KLHL2: variants seen among roughly 807,000 people sequenced by gnomAD.
The protein encoded by KLHL2 is kelch like family member 2.
In KLHL2, 15 loss-of-function variants were observed where a neutral mutation model predicts 75.8. The ratio of observed to expected loss-of-function variants is 0.20; its 90% CI spans 0.13 to 0.30. KLHL2 has a LOEUF of 0.30. Among genes scored for constraint, KLHL2 ranks in the 10% least tolerant of loss-of-function variants. KLHL2 has a pLI of 1.00. For synonymous variants in KLHL2, 214 were observed against 251.9 expected (o/e 0.85, Z 1.42); for missense variants, 381 against 741.0 (o/e 0.51, Z 5.64).
intron 5 of KLHL2, among the ~76,000 whole-genome samples, chr4:165,283,406 G>A (rs1743842891): frequency 6.6e-6 from 1 of 152,232 alleles, no homozygotes; most frequent in Non-Finnish European, 1.5e-5. Flanking sequence ...CAAGCATTGG[G>A]TAAATACAGC....
chr4:165,246,431 G>A (rs1037839476), intron 4 of KLHL2, among the ~76,000 whole-genome samples: 7 of 151,980 alleles, frequency 4.6e-5, no homozygotes, highest in South Asian at 2.1e-4. Flanking sequence ...GCTAGCTGGA[G>A]GATGGACTGT....
chr4:165,321,969 T>C (rs1470457561), intron 14 of KLHL2, 63 bp from the exon 15 acceptor site: 5 of 1,452,376 alleles, frequency 3.4e-6, no homozygotes, highest in South Asian at 2.3e-5. Context: ...GAATTGAGTG[T>C]TTTCTCAGAG....
intron 4 of KLHL2, among the ~76,000 whole-genome samples, chr4:165,239,439 T>G (rs1344415306): frequency 1.3e-5 from 2 of 152,062 alleles, no homozygotes; most frequent in African/African-American, 4.8e-5. Flanking sequence ...GCTAATTTTC[T>G]TATTTTTTTG....
intron 4 of KLHL2, among the ~76,000 whole-genome samples, chr4:165,262,704 G>C (rs1461232073): frequency 6.6e-6 from 1 of 151,980 alleles, no homozygotes; most frequent in Non-Finnish European, 1.5e-5. Context: ...TCTGCCTCCT[G>C]AGTAGCTGGC....
intron 14 of KLHL2, among the ~76,000 whole-genome samples, chr4:165,320,557 A>G (rs1045245768): frequency 6.6e-6 from 1 of 152,230 alleles, no homozygotes; most frequent in Non-Finnish European, 1.5e-5. Flanking sequence ...ATCAGTGACC[A>G]TAGGAACCTT....
intron 3 of KLHL2, among the ~76,000 whole-genome samples, chr4:165,232,878 CTTT>C (rs912954260): frequency 1.9e-5 from 1 of 52,570 alleles, no homozygotes; most frequent in African/African-American, 8.2e-5. Flanking sequence ...CCCTGTTAAG[CTTT>C]TTTTTTTTTT....
intron 2 of KLHL2, among the ~76,000 whole-genome samples, chr4:165,223,024 A>G (rs1270786422): frequency 1.3e-5 from 2 of 152,264 alleles, no homozygotes; most frequent in Non-Finnish European, 1.5e-5. Flanking sequence ...TAAGTTACAG[A>G]ATTAAAATTG....
intron 4 of KLHL2, among the ~76,000 whole-genome samples, chr4:165,245,289 G>C (rs891286773): frequency 6.6e-6 from 1 of 152,174 alleles, no homozygotes; most frequent in Non-Finnish European, 1.5e-5. Context: ...ATTCAGGTCT[G>C]AATGAGATGC....
chr4:165,299,394 T>C (rs1270708721), intron 7 of KLHL2, 113 bp from the exon 8 acceptor site: 3 of 899,722 alleles, frequency 3.3e-6, no homozygotes, highest in East Asian at 5.8e-5. Flanking sequence ...ATTTTTAGAC[T>C]AAACTAAAGG....
At chr4:165,303,286 G>A (rs1200817946) in intron 8 of KLHL2, among the ~76,000 whole-genome samples, 2 of 151,896 alleles carry the variant, frequency 1.3e-5, no homozygotes, top group African/African-American at 4.8e-5. Context: ...CAAACTTTGA[G>A]GATTATGAAA....
At chr4:165,308,092 A>G (rs899632289) in intron 9 of KLHL2, among the ~76,000 whole-genome samples, 1 of 152,170 alleles carries the variant, frequency 6.6e-6, no homozygotes, top group Non-Finnish European at 1.5e-5. Flanking sequence ...TGAGCTTTAT[A>G]ATATGTTTTA....
intron 3 of KLHL2, among the ~76,000 whole-genome samples, chr4:165,233,826 T>C (rs1357527121): frequency 6.6e-6 from 1 of 152,220 alleles, no homozygotes; most frequent in African/African-American, 2.4e-5. Flanking sequence ...GAACTTAAGT[T>C]GGAATGCTTT....
intron 4 of KLHL2, among the ~76,000 whole-genome samples, chr4:165,247,036 G>A (rs1471671244): frequency 6.6e-6 from 1 of 152,178 alleles, no homozygotes; most frequent in East Asian, 1.9e-4. Context: ...TAGAGAAGAA[G>A]GTGCTTCAAG....
chr4:165,317,585 G>A (rs1384031339), intron 13 of KLHL2, among the ~76,000 whole-genome samples: 1 of 152,000 alleles, frequency 6.6e-6, no homozygotes, highest in African/African-American at 2.4e-5. Flanking sequence ...GGCTCATCTC[G>A]AACTCCTGAC....
chr4:165,250,068 A>G (rs1138854), intron 4 of KLHL2, among the ~76,000 whole-genome samples: 1,803 of 152,066 alleles, frequency 0.012, 28 homozygotes, highest in African/African-American at 0.039. Flanking sequence ...AGCTTGCAGT[A>G]AGCCGAGATC....
At chr4:165,271,457 TTG>T (rs1331265545) in intron 5 of KLHL2, among the ~76,000 whole-genome samples, 3 of 152,200 alleles carry the variant, frequency 2.0e-5, no homozygotes, top group African/African-American at 7.2e-5. Context: ...AGCTTGGTCA[TTG>T]TTCGTGTGTA....
At chr4:165,225,240 A>G (rs759721965) in intron 2 of KLHL2, among the ~76,000 whole-genome samples, 1 of 152,130 alleles carries the variant, frequency 6.6e-6, no homozygotes. Flanking sequence ...AAGCTTTTCC[A>G]TAAGGTTGGG....
At chr4:165,277,177 T>C (rs1178661797) in intron 5 of KLHL2, among the ~76,000 whole-genome samples, 1 of 152,150 alleles carries the variant, frequency 6.6e-6, no homozygotes, top group East Asian at 1.9e-4. Flanking sequence ...CTTCTGAATA[T>C]AATGTGCTCT....
At chr4:165,218,790 A>G (rs1737746500) in intron 1 of KLHL2, among the ~76,000 whole-genome samples, 2 of 152,264 alleles carry the variant, frequency 1.3e-5, no homozygotes, top group Non-Finnish European at 2.9e-5. Context: ...GAAATGGGTC[A>G]GGAAAGGAAG....
Sources: gnomAD v4.1 joint callset for allele counts (sites outside exome capture counted in the v4.1 genomes callset) on GRCh38, gnomAD v4.1.1 for gene constraint, MANE v1.5 for transcripts, NCBI Gene and HGNC (gene_info 2026-07-23, HGNC 2026-07-21) for gene names.